The following C4BPA variants were observed in gnomAD, a reference collection of about 807,000 sequenced individuals.
C4BPA encodes C4b-binding protein alpha chain.
Under a neutral mutation model 63.7 loss-of-function variants are expected in C4BPA, and 31 were observed. The observed-to-expected ratio is 0.49, with a 90% confidence interval of 0.37 to 0.66. The LOEUF (loss-of-function observed/expected upper bound fraction) is 0.66, where lower values mean the gene tolerates loss of function less well. C4BPA is among the 30% of genes least tolerant of loss of function. The pLI is 0.00. For missense variants in C4BPA, 572 were observed against 723.3 expected (o/e 0.79, Z 2.40); for synonymous variants, 259 against 254.7 (o/e 1.02, Z -0.16).
Position 207,115,429 on chromosome 1 carries a change from A to T in C4BPA, c.342A>T (p.Arg114Ser), listed in dbSNP as rs201951844. 8 of 1,587,472 alleles carry T rather than the reference A, an allele frequency of 5.0e-6. No individual in the cohort carries two copies. In the African/African-American group the frequency reaches 9.5e-5, roughly 19 times the overall value. Residue 114 changes from arginine (R) to serine (S), a missense_variant, in exon 4 of 12, where the codon AGA (arginine) becomes AGT (serine). By Grantham distance (110) the Arg-to-Ser change is moderately radical. Around this residue, in one of 2 missense-constraint regions of C4BPA, gnomAD observed 465 missense variants for 629.4 expected, o/e 0.74. Transcript: ENST00000367070. Reference sequence around the variant, plus strand: ...TTTTTCTCCCAGACAAACGATGCAGACACCCAGGAGAGTTACGTAATGGGC... The same window carrying T: ...TTTTTCTCCCAGACAAACGATGCAGTCACCCAGGAGAGTTACGTAATGGGC... Reference protein sequence around the residue: ...YNTFCIYKRCRHPGELRNGQV... With the variant: ...YNTFCIYKRCSHPGELRNGQV...
At chr1:207,130,265 A>T (rs911135172) in intron 7 of C4BPA, among the ~76,000 whole-genome samples, 1 of 152,208 alleles carries the variant, frequency 6.6e-6, no homozygotes, top group African/African-American at 2.4e-5. Context: ...CTTCACATCC[A>T]GCAGAATGGC....
intron 7 of C4BPA, among the ~76,000 whole-genome samples, chr1:207,129,396 AT>A (rs1262017416): frequency 7.5e-6 from 1 of 133,384 alleles, no homozygotes; most frequent in African/African-American, 2.8e-5. Context: ...ATGGCTGAAA[AT>A]ATCACAAATT....
intron 10 of C4BPA, among the ~76,000 whole-genome samples, chr1:207,143,345 GGCA>G: frequency 1.3e-5 from 2 of 152,036 alleles, no homozygotes; most frequent in African/African-American, 4.8e-5. Flanking sequence ...GGGGGTGGGG[GGCA>G]AGGGGAGGGA....
intron 7 of C4BPA, among the ~76,000 whole-genome samples, chr1:207,128,717 T>C (rs2102346042): frequency 6.6e-6 from 1 of 152,296 alleles, no homozygotes; most frequent in East Asian, 1.9e-4. Flanking sequence ...GTTGCACACT[T>C]TGAAGGAAAC....
At chr1:207,106,770 T>C (rs1684571394) in intron 1 of C4BPA, among the ~76,000 whole-genome samples, 1 of 152,220 alleles carries the variant, frequency 6.6e-6, no homozygotes, top group Non-Finnish European at 1.5e-5. Flanking sequence ...GCTAGTTAAA[T>C]TCTGGTGCTC....
intron 7 of C4BPA, among the ~76,000 whole-genome samples, chr1:207,127,639 A>G (rs1446795145): frequency 6.6e-6 from 1 of 152,200 alleles, no homozygotes; most frequent in African/African-American, 2.4e-5. Context: ...AGTTTGGGGA[A>G]ACCTCTCTCC....
At chr1:207,118,944 T>G (rs1460228370) in intron 4 of C4BPA, among the ~76,000 whole-genome samples, 1 of 152,204 alleles carries the variant, frequency 6.6e-6, no homozygotes, top group Non-Finnish European at 1.5e-5. Context: ...CAGGAGGCTG[T>G]TCCTTCAATG....
At chr1:207,108,163 C>A (rs1022090351) in intron 1 of C4BPA, among the ~76,000 whole-genome samples, 1 of 152,158 alleles carries the variant, frequency 6.6e-6, no homozygotes, top group Non-Finnish European at 1.5e-5. Context: ...AATGAGAAAT[C>A]TAACAGAGTC....
chr1:207,131,460 C>T, intron 7 of C4BPA, 86 bp from the exon 8 acceptor site: 1 of 887,596 alleles, frequency 1.1e-6, no homozygotes, highest in Non-Finnish European at 1.7e-6. Flanking sequence ...ACGTATGACC[C>T]CCTTTGATAG....
At chr1:207,127,657 G>A (rs1237874675) in intron 7 of C4BPA, among the ~76,000 whole-genome samples, 1 of 152,166 alleles carries the variant, frequency 6.6e-6, no homozygotes, top group Non-Finnish European at 1.5e-5. Flanking sequence ...TCCTGAAGAG[G>A]TATCCACCAA....
intron 8 of C4BPA, among the ~76,000 whole-genome samples, chr1:207,133,011 C>T (rs1685194524): frequency 6.6e-6 from 1 of 152,170 alleles, no homozygotes; most frequent in Non-Finnish European, 1.5e-5. Context: ...GATGACAGAG[C>T]AGGACCCAGT....
Position 207,131,719 on chromosome 1 carries a change from A to G in C4BPA, c.1063A>G (p.Thr355Ala). The change falls in exon 8 of 12, where the codon ACC (threonine) becomes GCC (alanine). Residue 355 changes from threonine (T) to alanine (A), a missense_variant. Transcript: ENST00000367070. Reference protein sequence around the residue: ...TVICQKNLRWTPYQGCEALCC... With the variant: ...TVICQKNLRWAPYQGCEALCC... ...GATTTGTCAGAAAAATTTGAGATGG[A>G]CCCCATACCAAGGATGTGAGGGTGA... The G allele has an allele frequency of 6.2e-7, 1 of 1,611,172 alleles. No homozygotes were observed. Among genetic ancestry groups the G allele is most frequent in the East Asian group, 2.2e-5 (1 of 44,802 alleles).
rs57449727 is a variant in C4BPA, at chr1:207,116,516, ATGTGTGTGTGTGTG to A, written c.428+1031_428+1044del. ...CCACAGTGTGTGTGTGTGTGTGTAT[ATGTGTGTGTGTGTG>A]TGTGTGTGTGTGTGTGTGTGTGTGT... On this transcript the variant is annotated intron_variant, in intron 4 of 11. Coordinates refer to ENST00000367070, the MANE Select transcript of C4BPA (RefSeq NM_000715.4). 1.7e-4 allele frequency among the ~76,000 whole-genome samples: 14 copies of A among 80,012 alleles called. No individual in the cohort carries two copies. In the East Asian group the frequency reaches 2.7e-3, roughly 16 times the overall value. 52.5% of individuals were successfully genotyped at this position (80,012 alleles called of 152,430 possible).
chr1:207,118,163 C>CTA (rs1558089358), intron 4 of C4BPA, among the ~76,000 whole-genome samples: 1,069 of 64,466 alleles, frequency 0.017, 14 homozygotes, highest in South Asian at 0.036. Flanking sequence ...GTCTGTCTGT[C>CTA]TGTCTATCTA....
chr1:207,106,457 T>TTTTTTTTTG (rs905722793), intron 1 of C4BPA, among the ~76,000 whole-genome samples: 3 of 129,656 alleles, frequency 2.3e-5, no homozygotes, highest in African/African-American at 9.9e-5. Flanking sequence ...TTTTTTTTTT[T>TTTTTTTTTG]GAAACGGAGT....
At chr1:207,115,596 A>C (rs1034906415) in intron 4 of C4BPA, 81 bp downstream of exon 4, 21 of 731,084 alleles carry the variant, frequency 2.9e-5, no homozygotes, top group African/African-American at 5.7e-5. Flanking sequence ...TCAAAATTTA[A>C]AATGATGTAA....
At chr1:207,105,512 G>A (rs891292471) in intron 1 of C4BPA, among the ~76,000 whole-genome samples, 2 of 147,864 alleles carry the variant, frequency 1.4e-5, no homozygotes, top group South Asian at 2.1e-4. Flanking sequence ...AGCTGAGATC[G>A]TGCCATTGCA....
At chr1:207,139,121 T>A (rs747563388) in intron 9 of C4BPA, among the ~76,000 whole-genome samples, 1 of 152,186 alleles carries the variant, frequency 6.6e-6, no homozygotes, top group Non-Finnish European at 1.5e-5. Flanking sequence ...ACACCTTCCA[T>A]GTATATGCAA....
At chr1:207,139,315 T>C (rs1685359373) in intron 9 of C4BPA, among the ~76,000 whole-genome samples, 2 of 152,222 alleles carry the variant, frequency 1.3e-5, no homozygotes, top group Admixed American at 1.3e-4. Flanking sequence ...CTAATTTTTG[T>C]AGTAGACAGA....
Sources: allele counts gnomAD v4.1 joint callset (sites outside exome capture counted in the v4.1 genomes callset), GRCh38; gene constraint gnomAD v4.1.1; regional missense constraint gnomAD v4.1.1; transcripts MANE v1.5; gene names NCBI Gene and HGNC (gene_info 2026-07-23, HGNC 2026-07-21).